The following UBE2G1 variants were observed in gnomAD, a reference collection of about 807,000 sequenced individuals.
UBE2G1 encodes ubiquitin-conjugating enzyme E2 G1.
Under a neutral mutation model 22.7 loss-of-function variants are expected in UBE2G1, and 5 were observed. The observed-to-expected ratio is 0.22, with a 90% confidence interval of 0.12 to 0.46. The LOEUF (loss-of-function observed/expected upper bound fraction) is 0.46. Among genes scored for constraint, UBE2G1 ranks in the 20% least tolerant of loss-of-function variants. The probability of loss-of-function intolerance (pLI) is 0.99; values close to 1 mark genes in which losing one functional copy is unlikely to be tolerated. For missense variants in UBE2G1, 88 were observed against 203.9 expected (o/e 0.43, Z 3.46); for synonymous variants, 74 against 67.5 (o/e 1.10, Z -0.47).
At chr17:4,348,255 C>G (rs996149985) in intron 1 of UBE2G1, among the ~76,000 whole-genome samples, 5 of 151,946 alleles carry the variant, frequency 3.3e-5, no homozygotes, top group African/African-American at 4.8e-5. Context: ...AAGACCCTGT[C>G]TGTAAAGAAA....
chr17:4,357,135 A>AG (rs1969914441), intron 1 of UBE2G1, among the ~76,000 whole-genome samples: 1 of 152,186 alleles, frequency 6.6e-6, no homozygotes, highest in African/African-American at 2.4e-5. Context: ...GGAAAATAAC[A>AG]GAAAAAATAA....
At chr17:4,290,213 A>T (rs551657371) in intron 3 of UBE2G1, among the ~76,000 whole-genome samples, 1 of 152,306 alleles carries the variant, frequency 6.6e-6, no homozygotes, top group East Asian at 1.9e-4. Context: ...AAATTTTTTT[A>T]AAAATCATAC....
chr17:4,319,335 G>A (rs577640077), intron 1 of UBE2G1, among the ~76,000 whole-genome samples: 1 of 152,304 alleles, frequency 6.6e-6, no homozygotes, highest in South Asian at 2.1e-4. Flanking sequence ...ATAGGTGGGT[G>A]GGTGGAACCA....
chr17:4,363,247 C>T (rs1969989324), intron 1 of UBE2G1, among the ~76,000 whole-genome samples: 1 of 151,968 alleles, frequency 6.6e-6, no homozygotes, highest in African/African-American at 2.4e-5. Context: ...ACATTTTGAG[C>T]ATGTTAATTA....
intron 1 of UBE2G1, among the ~76,000 whole-genome samples, chr17:4,329,109 G>GAAAAAAAAAA (rs56962666): frequency 1.1e-5 from 1 of 91,756 alleles, no homozygotes; most frequent in Non-Finnish European, 2.1e-5. Context: ...GTCTCAAAAA[G>GAAAAAAAAAA]AAAAAAAAAA....
intron 1 of UBE2G1, among the ~76,000 whole-genome samples, chr17:4,339,953 A>T (rs907194792): frequency 1.5e-4 from 22 of 151,440 alleles, no homozygotes; most frequent in African/African-American, 4.9e-5. Context: ...ATGGAGTCTC[A>T]CTTCTCTCAG....
At chr17:4,294,942 G>A (rs1283874030) in intron 3 of UBE2G1, among the ~76,000 whole-genome samples, 1 of 151,768 alleles carries the variant, frequency 6.6e-6, no homozygotes. Flanking sequence ...ACGTGAGGGA[G>A]GGAGGGAGCG....
intron 2 of UBE2G1, chr17:4,302,101 G>A (rs1969188461): frequency 5.7e-6 from 3 of 524,938 alleles, no homozygotes; most frequent in Non-Finnish European, 1.2e-5. Context: ...TTACCCCTGT[G>A]GCTCATATTT....
intron 1 of UBE2G1, among the ~76,000 whole-genome samples, chr17:4,326,538 T>C (rs1171540624): frequency 6.6e-6 from 1 of 152,166 alleles, no homozygotes; most frequent in African/African-American, 2.4e-5. Flanking sequence ...GTCCTCAAAA[T>C]ATTAAACTTA....
chr17:4,360,424 T>C (rs750845675), intron 1 of UBE2G1, among the ~76,000 whole-genome samples: 5 of 152,162 alleles, frequency 3.3e-5, no homozygotes, highest in Admixed American at 6.6e-5. Context: ...AGGCGAAGGA[T>C]TGAAACTCAT....
At chr17:4,292,909 A>C (rs1598182915) in intron 3 of UBE2G1, among the ~76,000 whole-genome samples, 1 of 152,334 alleles carries the variant, frequency 6.6e-6, no homozygotes, top group African/African-American at 2.4e-5. Flanking sequence ...GTATACCTCA[A>C]GAAAAGCTGA....
intron 2 of UBE2G1, among the ~76,000 whole-genome samples, chr17:4,305,173 T>TCC (rs1470816670): frequency 6.6e-6 from 1 of 152,142 alleles, no homozygotes; most frequent in Non-Finnish European, 1.5e-5. Flanking sequence ...CAGGCTGGTC[T>TCC]CCAACTCTCG....
At chr17:4,296,842 T>G in intron 2 of UBE2G1, 28 bp from the exon 3 acceptor site, 1 of 1,591,494 alleles carries the variant, frequency 6.3e-7, no homozygotes, top group Non-Finnish European at 8.6e-7. Flanking sequence ...AAGAAGTTCT[T>G]GCCTATAAGT....
intron 1 of UBE2G1, among the ~76,000 whole-genome samples, chr17:4,332,724 C>T (rs981442221): frequency 3.9e-5 from 6 of 152,044 alleles, no homozygotes; most frequent in African/African-American, 1.2e-4. Context: ...TTCAGCTAAC[C>T]GCTCTGCCAC....
At chr17:4,340,186 GT>G (rs1184889449) in intron 1 of UBE2G1, among the ~76,000 whole-genome samples, 1 of 152,154 alleles carries the variant, frequency 6.6e-6, no homozygotes, top group Non-Finnish European at 1.5e-5. Flanking sequence ...CTCCCAAAAT[GT>G]TGGGGTAACA....
At chr17:4,311,982 C>A (rs1969315349) in intron 1 of UBE2G1, among the ~76,000 whole-genome samples, 1 of 151,974 alleles carries the variant, frequency 6.6e-6, no homozygotes. Context: ...CACGGTGGCT[C>A]CCGCCTGTAA....
chr17:4,278,599 A>G (rs1217263454), intron 5 of UBE2G1, among the ~76,000 whole-genome samples: 1 of 152,234 alleles, frequency 6.6e-6, no homozygotes, highest in Admixed American at 6.5e-5. Flanking sequence ...ATATAGACCC[A>G]TTGTTAGAAC....
At chr17:4,365,296 T>A (rs1483787907) in intron 1 of UBE2G1, among the ~76,000 whole-genome samples, 1 of 152,200 alleles carries the variant, frequency 6.6e-6, no homozygotes, top group African/African-American at 2.4e-5. Context: ...GGGGCTGCAT[T>A]GTGAAGCCAC....
chr17:4,322,822 C>T (rs1969457797), intron 1 of UBE2G1, among the ~76,000 whole-genome samples: 2 of 152,106 alleles, frequency 1.3e-5, no homozygotes, highest in African/African-American at 2.4e-5. Flanking sequence ...CTAACAGTTA[C>T]GGTAATACTT....
Sources: gnomAD v4.1 joint callset for allele counts (sites outside exome capture counted in the v4.1 genomes callset) on GRCh38, gnomAD v4.1.1 for gene constraint, MANE v1.5 for transcripts, NCBI Gene and HGNC (gene_info 2026-07-23, HGNC 2026-07-21) for gene names.